Variants in CLEC12A observed in about 807,000 individuals in gnomAD.
The protein encoded by CLEC12A is C-type lectin domain family 12 member A.
CLEC12A carries 22 observed loss-of-function variants against 26.5 expected under a neutral mutation model. The ratio of observed to expected loss-of-function variants is 0.83; its 90% confidence interval spans 0.59 to 1.19. The LOEUF (loss-of-function observed/expected upper bound fraction) is 1.19. Ranked by LOEUF, CLEC12A falls within the 50% of genes most tolerant of loss-of-function variation. CLEC12A has a pLI of 0.00. For missense variants in CLEC12A, 353 were observed against 315.6 expected (o/e 1.12, Z -0.90); for synonymous variants, 119 against 101.9 (o/e 1.17, Z -1.01).
the CLEC12A span, among the ~76,000 whole-genome samples, chr12:10,004,382 G>C: frequency 1.2e-4 from 18 of 152,148 alleles, no homozygotes; most frequent in Non-Finnish European, 2.9e-5. Context: ...CTGAGTTGTG[G>C]AAGTGGCTCC....
chr12:9,997,316 A>T, downstream of CLEC12A: 1 of 1,568,140 alleles, frequency 6.4e-7, no homozygotes, highest in Non-Finnish European at 8.7e-7. Context: ...ATTTGTAATT[A>T]GAACCATAGA....
At chr12:9,977,796 T>G (rs1348614245) in intron 1 of CLEC12A, among the ~76,000 whole-genome samples, 1 of 152,188 alleles carries the variant, frequency 6.6e-6, no homozygotes, top group African/African-American at 2.4e-5. Flanking sequence ...TCTTGCTCAC[T>G]TTGATATTGT....
chr12:9,958,164 T>C (rs1389414562), intron 1 of CLEC12A, among the ~76,000 whole-genome samples: 1 of 152,238 alleles, frequency 6.6e-6, no homozygotes, highest in Admixed American at 6.5e-5. Context: ...TCAGTATCAT[T>C]AGCTTCCTGA....
At chr12:9,979,114 T>C in intron 2 of CLEC12A, 50 bp downstream of exon 2, 1 of 1,450,236 alleles carries the variant, frequency 6.9e-7, no homozygotes, top group Non-Finnish European at 9.7e-7. Context: ...GAATTTCAAA[T>C]ATTTAGCAAC....
At chr12:9,953,607 G>A (rs1426841236) in intron 1 of CLEC12A, among the ~76,000 whole-genome samples, 7 of 148,298 alleles carry the variant, frequency 4.7e-5, no homozygotes, top group Admixed American at 1.3e-4. Context: ...CCCCCTGCCC[G>A]GCCAGCCGCC....
At chr12:9,952,926 A>G (rs1279976917) in intron 1 of CLEC12A, 1 of 70,366 alleles carries the variant, frequency 1.4e-5, no homozygotes, top group Non-Finnish European at 2.7e-5. Flanking sequence ...AAGTGAGGAG[A>G]CCCTCTGCCT....
At chr12:9,955,795 T>C (rs764861727) in intron 1 of CLEC12A, among the ~76,000 whole-genome samples, 4 of 152,226 alleles carry the variant, frequency 2.6e-5, no homozygotes, top group Non-Finnish European at 5.9e-5. Flanking sequence ...TGCAGTGTGA[T>C]TGCTTCTCCT....
chr12:10,005,506 G>C, the CLEC12A span, among the ~76,000 whole-genome samples: 1 of 152,102 alleles, frequency 6.6e-6, no homozygotes, highest in African/African-American at 2.4e-5. Context: ...CTTTCTATAT[G>C]CTTTTATCAG....
upstream of CLEC12A, among the ~76,000 whole-genome samples, chr12:9,969,394 T>C (rs1188890460): frequency 6.6e-6 from 1 of 152,186 alleles, no homozygotes; most frequent in Non-Finnish European, 1.5e-5. Flanking sequence ...AATAACAAAA[T>C]TTTTAAAAAA....
chr12:9,989,721 G>A (rs1434984477), downstream of CLEC12A, among the ~76,000 whole-genome samples: 1 of 152,154 alleles, frequency 6.6e-6, no homozygotes, highest in African/African-American at 2.4e-5. Context: ...ATAGCTGAAG[G>A]TGTCTAGATG....
chr12:9,965,703 G>A (rs1863924585), intron 1 of CLEC12A, among the ~76,000 whole-genome samples: 1 of 152,036 alleles, frequency 6.6e-6, no homozygotes. Context: ...CTGGTTTTAG[G>A]ACAGGTAAAA....
chr12:9,991,352 T>G (rs868382011), intron 4 of CLEC12A: 1 of 152,218 alleles, frequency 6.6e-6, no homozygotes, highest in East Asian at 1.9e-4. Flanking sequence ...ACATTTTTAA[T>G]TGTATTGTTG....
chr12:9,993,989 C>T (rs781482833), intron 4 of CLEC12A, among the ~76,000 whole-genome samples: 14 of 151,790 alleles, frequency 9.2e-5, no homozygotes, highest in South Asian at 2.1e-4. Flanking sequence ...GGGGCGATAC[C>T]GGTAAGAAGC....
rs1292976949 is a variant in CLEC12A, at chr12:9,984,850, T to C, written c.642-20T>C. ...CAAATATCTGACTTGCCAAGTGTAA[T>C]TCTTTACTTTCTCTTTCAGGGTTAT... is the stretch of plus-strand genomic sequence containing the variant. On this transcript the variant is annotated intron_variant, in intron 5 of 5. Transcript: ENST00000304361. The C allele has an allele frequency of 1.2e-5, 17 of 1,443,810 alleles. No homozygotes were observed. Among genetic ancestry groups the C allele is most frequent in the Non-Finnish European group, 1.6e-5 (17 of 1,094,226 alleles). The allele number at this position is 1,443,810 out of a possible 1,614,324, so 89.4% of individuals were successfully genotyped here.
intron 1 of CLEC12A, among the ~76,000 whole-genome samples, chr12:9,976,449 C>T (rs1262950643): frequency 6.6e-6 from 1 of 152,208 alleles, no homozygotes; most frequent in African/African-American, 2.4e-5. Flanking sequence ...TTTGGACTTG[C>T]ATGGGGCCTG....
chr12:9,986,909 C>T (rs1022161613), downstream of CLEC12A, among the ~76,000 whole-genome samples: 3 of 152,108 alleles, frequency 2.0e-5, no homozygotes, highest in Non-Finnish European at 4.4e-5. Context: ...TAAAAATATG[C>T]TATTTTAGTT....
chr12:9,956,823 A>G (rs73251730), intron 1 of CLEC12A, among the ~76,000 whole-genome samples: 5,194 of 152,294 alleles, frequency 0.034, 284 homozygotes, highest in African/African-American at 0.12. Context: ...TTATTAGATT[A>G]ATCTTTGACC....
downstream of CLEC12A, among the ~76,000 whole-genome samples, chr12:9,988,402 G>T (rs1864818445): frequency 6.6e-6 from 1 of 152,162 alleles, no homozygotes; most frequent in South Asian, 2.1e-4. Flanking sequence ...CACAGCAAAA[G>T]AAACTACCAT....
chr12:9,952,343 G>C (rs1016950220), intron 1 of CLEC12A, among the ~76,000 whole-genome samples: 6 of 150,168 alleles, frequency 4.0e-5, no homozygotes, highest in African/African-American at 1.5e-4. Context: ...GCACCACCAC[G>C]CCTGACTGGT....
Sources: gnomAD v4.1 joint callset for allele counts (sites outside exome capture counted in the v4.1 genomes callset) on GRCh38, gnomAD v4.1.1 for gene constraint, MANE v1.5 for transcripts, NCBI Gene and HGNC (gene_info 2026-07-23, HGNC 2026-07-21) for gene names.